The following GPC6 variants were observed in gnomAD, a reference collection of about 807,000 sequenced individuals.
GPC6 encodes the protein glypican 6.
In GPC6, 14 loss-of-function variants were observed where a neutral mutation model predicts 55.2. The observed-to-expected ratio is 0.25, with a 90% confidence interval of 0.17 to 0.40. The LOEUF (loss-of-function observed/expected upper bound fraction) is 0.40. Ranked by LOEUF, GPC6 falls within the 10% of genes least tolerant of loss-of-function variation. The pLI is 1.00. For synonymous variants in GPC6, 278 were observed against 259.6 expected (o/e 1.07, Z -0.68); for missense variants, 641 against 708.5 (o/e 0.90, Z 1.08).
At chr13:94,020,916 A>T (rs1379747154) in intron 3 of GPC6, among the ~76,000 whole-genome samples, 1 of 152,192 alleles carries the variant, frequency 6.6e-6, no homozygotes, top group African/African-American at 2.4e-5. Context: ...GAAATATTTA[A>T]CACAAAAGAT....
intron 1 of GPC6, among the ~76,000 whole-genome samples, chr13:93,322,096 A>G (rs185009964): frequency 1.5e-3 from 232 of 152,342 alleles, no homozygotes; most frequent in Non-Finnish European, 2.2e-3. Flanking sequence ...AATTGTTATT[A>G]TTAGATCTAA....
chr13:93,349,521 G>A (rs780853570), intron 1 of GPC6, among the ~76,000 whole-genome samples: 1 of 152,064 alleles, frequency 6.6e-6, no homozygotes, highest in Non-Finnish European at 1.5e-5. Flanking sequence ...TGATTAATTT[G>A]CCAGGCTGAC....
intron 1 of GPC6, among the ~76,000 whole-genome samples, chr13:93,322,431 CTTTTTTTT>C (rs71272281): frequency 1.0e-5 from 1 of 96,790 alleles, no homozygotes; most frequent in African/African-American, 4.2e-5. Flanking sequence ...TTTCTTTCTT[CTTTTTTTT>C]TTTTTTTTTT....
At chr13:93,364,445 T>A (rs141546064) in intron 1 of GPC6, among the ~76,000 whole-genome samples, 1 of 152,170 alleles carries the variant, frequency 6.6e-6, no homozygotes, top group Non-Finnish European at 1.5e-5. Context: ...TCACCTTTCA[T>A]GAAGGAACTG....
intron 3 of GPC6, among the ~76,000 whole-genome samples, chr13:93,914,582 C>T (rs184448672): frequency 7.2e-5 from 11 of 152,320 alleles, no homozygotes; most frequent in Admixed American, 2.0e-4. Context: ...ATTTTCTCAT[C>T]GGTCTTATTC....
At chr13:93,340,617 G>T (rs541720400) in intron 1 of GPC6, among the ~76,000 whole-genome samples, 2 of 152,100 alleles carry the variant, frequency 1.3e-5, no homozygotes, top group Non-Finnish European at 2.9e-5. Flanking sequence ...GAAGCACAAA[G>T]GTCCTTAAGT....
intron 4 of GPC6, among the ~76,000 whole-genome samples, chr13:94,066,633 G>T (rs766155507): frequency 2.0e-5 from 3 of 152,160 alleles, no homozygotes; most frequent in Non-Finnish European, 4.4e-5. Context: ...TATGGAGATT[G>T]TGAGACCCAG....
chr13:93,878,522 C>T (rs1874743818), intron 3 of GPC6, among the ~76,000 whole-genome samples: 1 of 152,032 alleles, frequency 6.6e-6, no homozygotes, highest in East Asian at 1.9e-4. Context: ...GGGATTACAG[C>T]CATGCATCAC....
chr13:93,965,961 AG>A (rs1880021310), intron 3 of GPC6, among the ~76,000 whole-genome samples: 2 of 152,296 alleles, frequency 1.3e-5, no homozygotes, highest in Admixed American at 1.3e-4. Context: ...CTCTTCCCGC[AG>A]CCCAGCACAT....
intron 5 of GPC6, among the ~76,000 whole-genome samples, chr13:94,303,579 C>G (rs1875778028): frequency 6.6e-6 from 1 of 152,084 alleles, no homozygotes; most frequent in Non-Finnish European, 1.5e-5. Context: ...TTATGTAGGT[C>G]TCCACCTGAT....
At chr13:93,495,541 A>G (rs1001587109) in intron 1 of GPC6, among the ~76,000 whole-genome samples, 22 of 135,100 alleles carry the variant, frequency 1.6e-4, no homozygotes, top group Non-Finnish European at 2.4e-4. Flanking sequence ...ATCATTCTCC[A>G]TCCAGCTTTG....
chr13:93,871,857 C>CT (rs963900433), intron 3 of GPC6, among the ~76,000 whole-genome samples: 13 of 151,106 alleles, frequency 8.6e-5, no homozygotes, highest in African/African-American at 1.2e-4. Context: ...AAATGTTAGA[C>CT]TTTTTTTTTA....
At chr13:93,500,751 T>C (rs1411580750) in intron 1 of GPC6, among the ~76,000 whole-genome samples, 1 of 152,048 alleles carries the variant, frequency 6.6e-6, no homozygotes, top group Admixed American at 6.6e-5. Flanking sequence ...TTTTAAGGAG[T>C]GTAGAAAGTG....
At chr13:93,330,641 G>A (rs1367852071) in intron 1 of GPC6, among the ~76,000 whole-genome samples, 2 of 152,090 alleles carry the variant, frequency 1.3e-5, no homozygotes, top group East Asian at 3.8e-4. Context: ...AACTTATCAT[G>A]CATCATTTTC....
intron 3 of GPC6, among the ~76,000 whole-genome samples, chr13:93,849,832 G>A (rs1314629436): frequency 6.6e-6 from 1 of 152,048 alleles, no homozygotes; most frequent in East Asian, 1.9e-4. Context: ...AAACAGAAGA[G>A]AAAGATGTAC....
At chr13:94,037,072 G>A (rs992980473) in intron 4 of GPC6, among the ~76,000 whole-genome samples, 3 of 151,960 alleles carry the variant, frequency 2.0e-5, no homozygotes, top group Non-Finnish European at 4.4e-5. Context: ...TCAACCAGAC[G>A]AGAGAACTAA....
chr13:93,683,758 G>A (rs1396075498), intron 2 of GPC6, among the ~76,000 whole-genome samples: 1 of 152,144 alleles, frequency 6.6e-6, no homozygotes, highest in African/African-American at 2.4e-5. Flanking sequence ...TGTGGTGGGA[G>A]GGTGAAGATT....
At chr13:93,918,477 A>G (rs1176767427) in intron 3 of GPC6, among the ~76,000 whole-genome samples, 1 of 152,150 alleles carries the variant, frequency 6.6e-6, no homozygotes, top group Non-Finnish European at 1.5e-5. Flanking sequence ...AAAGTGGGAC[A>G]TGGATCCTCT....
intron 3 of GPC6, among the ~76,000 whole-genome samples, chr13:93,931,225 C>G (rs954659693): frequency 2.6e-5 from 4 of 151,884 alleles, no homozygotes; most frequent in African/African-American, 9.7e-5. Flanking sequence ...TGAAATTGTT[C>G]AGATTTGCAG....
Sources: gnomAD v4.1 joint callset for allele counts (sites outside exome capture counted in the v4.1 genomes callset) on GRCh38, gnomAD v4.1.1 for gene constraint, MANE v1.5 for transcripts, NCBI Gene and HGNC (gene_info 2026-07-23, HGNC 2026-07-21) for gene names.